The following DAAM1 variants were observed in gnomAD, a reference collection of about 807,000 sequenced individuals.
DAAM1 encodes disheveled-associated activator of morphogenesis 1.
A neutral mutation model predicts 130.0 loss-of-function variants in DAAM1; 52 were observed. That is an observed-to-expected ratio of 0.40 (90% CI 0.32 to 0.50). The LOEUF is 0.50. Among genes scored for constraint, DAAM1 ranks in the 20% least tolerant of loss-of-function variants. The probability of loss-of-function intolerance (pLI) is 0.61; values close to 1 mark genes in which losing one functional copy is unlikely to be tolerated. For synonymous variants in DAAM1, 452 were observed against 444.5 expected, an observed-to-expected ratio of 1.02 and a Z score of -0.21; for missense variants, 1,134 against 1,303.8, an observed-to-expected ratio of 0.87 and a Z score of 2.01.
At chr14:59,195,118 T>C (rs1456196862) in intron 1 of DAAM1, among the ~76,000 whole-genome samples, 1 of 151,916 alleles carries the variant, frequency 6.6e-6, no homozygotes, top group Non-Finnish European at 1.5e-5. Flanking sequence ...TTTTCTTTTT[T>C]CTTAATCATT....
At chr14:59,190,087 A>T (rs146216010) in intron 1 of DAAM1, among the ~76,000 whole-genome samples, 1 of 152,048 alleles carries the variant, frequency 6.6e-6, no homozygotes, top group African/African-American at 2.4e-5. Context: ...TTTCGATTCG[A>T]TGTGGCTCTG....
chr14:59,366,069 G>A (rs1192587872), intron 23 of DAAM1, among the ~76,000 whole-genome samples: 1 of 150,476 alleles, frequency 6.6e-6, no homozygotes, highest in East Asian at 1.9e-4. Flanking sequence ...AAAATTTCTT[G>A]GTATTTTGCA....
chr14:59,302,244 ACT>A (rs771997009), intron 3 of DAAM1, among the ~76,000 whole-genome samples: 17 of 152,208 alleles, frequency 1.1e-4, no homozygotes, highest in Non-Finnish European at 2.1e-4. Flanking sequence ...ACTCCCTGTA[ACT>A]GGGGAACACC....
chr14:59,250,468 T>G (rs1881584042), intron 1 of DAAM1, among the ~76,000 whole-genome samples: 1 of 152,226 alleles, frequency 6.6e-6, no homozygotes, highest in Admixed American at 6.5e-5. Flanking sequence ...GTTTCAAGTA[T>G]GCACAAAAAG....
intron 3 of DAAM1, among the ~76,000 whole-genome samples, chr14:59,310,261 C>T (rs990809815): frequency 6.6e-5 from 10 of 151,870 alleles, no homozygotes; most frequent in South Asian, 2.1e-4. Context: ...AGGCATGCGC[C>T]GCCATGCCCA....
intron 1 of DAAM1, among the ~76,000 whole-genome samples, chr14:59,212,079 T>C (rs993432896): frequency 8.5e-5 from 13 of 152,330 alleles, no homozygotes; most frequent in Middle Eastern, 3.4e-3. Context: ...TTAATGGGGC[T>C]GATTCTAAAT....
At chr14:59,336,066 G>A (rs1180875899) in intron 15 of DAAM1, among the ~76,000 whole-genome samples, 1 of 151,046 alleles carries the variant, frequency 6.6e-6, no homozygotes, top group East Asian at 1.9e-4. Flanking sequence ...CTGTAACTGA[G>A]CTTCATGATA....
At position 59,369,753 on chromosome 14, in the gene DAAM1, TAAAAAAAAAAA is replaced by T. The variant is rs72238797; in HGVS notation, c.*908_*918del. ...AATTCTCTGAAGGGATAAAGATTACTAAAAAAAAAAAAAAAAAAAAAAAATTAATGGGGTGC... is the reference window on the plus strand; with the variant it reads ...AATTCTCTGAAGGGATAAAGATTACTAAAAAAAAAAAAATTAATGGGGTGC... On this transcript the variant is annotated 3_prime_UTR_variant, in exon 25 of 25. Coordinates refer to ENST00000360909, the MANE Select transcript of DAAM1 (RefSeq NM_001270520.2). 2 of 95,656 alleles carry T rather than the reference TAAAAAAAAAAA, an allele frequency of 2.1e-5. No homozygotes were observed. The highest frequency in any genetic ancestry group is 8.4e-5 in the African/African-American group (2 of 23,868). The allele number at this position is 95,656 out of a possible 1,614,324, so 5.9% of individuals were successfully genotyped here. A position where few individuals can be genotyped will look rare whatever the true frequency, so the allele number is the denominator to read the frequency against.
intron 1 of DAAM1, among the ~76,000 whole-genome samples, chr14:59,251,114 T>G (rs555116801): frequency 1.3e-5 from 2 of 152,326 alleles, no homozygotes; most frequent in African/African-American, 4.8e-5. Flanking sequence ...GAGACAACAT[T>G]TATTAAAACA....
At chr14:59,210,560 A>G (rs1888397111) in intron 1 of DAAM1, among the ~76,000 whole-genome samples, 1 of 152,172 alleles carries the variant, frequency 6.6e-6, no homozygotes, top group Admixed American at 6.5e-5. Context: ...ATGATCTAAA[A>G]TATTTCTCTG....
At chr14:59,221,180 C>T (rs1264853547) in intron 1 of DAAM1, among the ~76,000 whole-genome samples, 1 of 152,144 alleles carries the variant, frequency 6.6e-6, no homozygotes, top group Non-Finnish European at 1.5e-5. Flanking sequence ...GAGGTGAAGT[C>T]CTTGAGTGAT....
In DAAM1 at chr14:59,327,477, G is replaced by T. The variant is rs116401903; in HGVS notation, c.1372+486G>T. On this transcript the variant is annotated intron_variant, in intron 12 of 24. Coordinates refer to ENST00000360909, the MANE Select transcript of DAAM1 (RefSeq NM_001270520.2). ...AGGCTGGAATCAGTGGCGCCATCTC[G>T]GCTCACTGCAAGTTCCACCTCCTAA... Among the ~76,000 whole-genome samples the T allele has an allele frequency of 3.3e-3, 437 of 132,662 alleles. 2 individuals are homozygous for T. The highest frequency in any genetic ancestry group is 0.012 in the African/African-American group (418 of 34,274). The allele number at this position is 132,662 out of a possible 152,430, so 87.0% of individuals were successfully genotyped here. A position where few individuals can be genotyped will look rare whatever the true frequency, so the allele number is the denominator to read the frequency against.
intron 1 of DAAM1, among the ~76,000 whole-genome samples, chr14:59,252,621 A>G (rs1881698691): frequency 6.6e-6 from 1 of 152,220 alleles, no homozygotes; most frequent in African/African-American, 2.4e-5. Context: ...CTCTGCTGAT[A>G]CACACAGGAA....
chr14:59,212,905 T>G (rs901164786), intron 1 of DAAM1, among the ~76,000 whole-genome samples: 11 of 152,318 alleles, frequency 7.2e-5, no homozygotes, highest in African/African-American at 2.6e-4. Flanking sequence ...TTTAACACTT[T>G]AAATGAATTT....
intron 2 of DAAM1, among the ~76,000 whole-genome samples, chr14:59,284,022 G>A (rs1566683773): frequency 1.3e-5 from 2 of 152,166 alleles, no homozygotes; most frequent in African/African-American, 2.4e-5. Flanking sequence ...TGAAAATGCA[G>A]TGTCGTGTAC....
In DAAM1 at chr14:59,347,756, C is replaced by CTG. The variant is rs200594717; in HGVS notation, c.2160+133_2160+134insTG. The CTG allele has an allele frequency of 2.3e-3, 1,789 of 780,586 alleles. 17 individuals are homozygous for CTG. In the African/African-American group the frequency reaches 0.028, roughly 12 times the overall value. 48.4% of individuals were successfully genotyped at this position (780,586 alleles called of 1,614,324 possible). A position where few individuals can be genotyped will look rare whatever the true frequency, so the allele number is the denominator to read the frequency against. On this transcript the variant is annotated intron_variant, in intron 17 of 24. Transcript: ENST00000360909. Reference sequence around the variant, plus strand: ...AATTGAGGAGGCTGAACCAAGTTCCCATGTGACTCTGTTAGGAAACTTAAT... The same window carrying CTG: ...AATTGAGGAGGCTGAACCAAGTTCCCTGATGTGACTCTGTTAGGAAACTTAAT...
intron 3 of DAAM1, among the ~76,000 whole-genome samples, chr14:59,303,145 C>CT (rs1185173047): frequency 1.3e-5 from 2 of 152,202 alleles, no homozygotes; most frequent in Admixed American, 1.3e-4. Context: ...CTTTGAACCC[C>CT]TTGCCTGTGT....
chr14:59,189,548 C>T (rs1887663810), intron 1 of DAAM1, among the ~76,000 whole-genome samples: 1 of 151,744 alleles, frequency 6.6e-6, no homozygotes, highest in Non-Finnish European at 1.5e-5. Flanking sequence ...AGCACCTGGG[C>T]TGGGGCGAAG....
chr14:59,370,563 A>G lies in DAAM1; in HGVS notation c.*1704A>G, dbSNP rs1887128079. 6.6e-6 allele frequency: 1 copy of G among 152,140 alleles called. No homozygotes were observed. The highest frequency in any genetic ancestry group is 2.1e-4 in the South Asian group (1 of 4,834). 9.4% of individuals were successfully genotyped at this position (152,140 alleles called of 1,614,324 possible). A position where few individuals can be genotyped will look rare whatever the true frequency, so the allele number is the denominator to read the frequency against. ...GAAAGCTGTGAAATAGTGCTCTAAG[A>G]GTTGTCAAGAGCTGTGGTTTTACAT... On this transcript the variant is annotated 3_prime_UTR_variant, in exon 25 of 25. Transcript: ENST00000360909.
Sources: gnomAD v4.1 joint callset for allele counts (sites outside exome capture counted in the v4.1 genomes callset) on GRCh38, gnomAD v4.1.1 for gene constraint, MANE v1.5 for transcripts, NCBI Gene and HGNC (gene_info 2026-07-23, HGNC 2026-07-21) for gene names.